Variants in CSMD1 observed in about 807,000 individuals in gnomAD.
CSMD1 encodes CUB and sushi domain-containing protein 1.
Under a neutral mutation model 417.5 loss-of-function variants are expected in CSMD1, and 213 were observed. The observed-to-expected ratio is 0.51, with a 90% confidence interval of 0.46 to 0.57. CSMD1 has a LOEUF of 0.57. Among genes scored for constraint, CSMD1 ranks in the 20% least tolerant of loss-of-function variants. The probability of loss-of-function intolerance (pLI) is 0.00; values close to 1 mark genes in which losing one functional copy is unlikely to be tolerated. For synonymous variants in CSMD1, 2,862 were observed against 1,736.8 expected, an observed-to-expected ratio of 1.65 and a Z score of -16.11; for missense variants, 6,923 against 4,529.7, an observed-to-expected ratio of 1.53 and a Z score of -15.17.
At chr8:4,625,120 G>C (rs1420940667) in intron 2 of CSMD1, among the ~76,000 whole-genome samples, 1 of 152,050 alleles carries the variant, frequency 6.6e-6, no homozygotes, top group African/African-American at 2.4e-5. Context: ...GATGACAAGA[G>C]AACTATGACA....
intron 5 of CSMD1, among the ~76,000 whole-genome samples, chr8:3,950,381 G>A (rs988714690): frequency 2.6e-5 from 4 of 152,164 alleles, no homozygotes; most frequent in African/African-American, 4.8e-5. Context: ...AAAACTCTCC[G>A]GTACAGTTCC....
chr8:3,957,585 G>A (rs1013160064), intron 5 of CSMD1, among the ~76,000 whole-genome samples: 1 of 152,134 alleles, frequency 6.6e-6, no homozygotes, highest in Non-Finnish European at 1.5e-5. Context: ...TCAGAAGGCT[G>A]AGGTGGACAG....
At chr8:4,339,010 C>A (rs1800329187) in intron 3 of CSMD1, among the ~76,000 whole-genome samples, 1 of 152,094 alleles carries the variant, frequency 6.6e-6, no homozygotes, top group Non-Finnish European at 1.5e-5. Context: ...AAAAGCAAGG[C>A]TTTTCTGTGA....
At chr8:3,796,022 T>C (rs1423554620) in intron 5 of CSMD1, among the ~76,000 whole-genome samples, 1 of 61,670 alleles carries the variant, frequency 1.6e-5, no homozygotes, top group Non-Finnish European at 3.6e-5. Context: ...ATATATATCA[T>C]GTATAGATAT....
At chr8:4,787,649 C>G (rs1797477314) in intron 1 of CSMD1, 6 of 1,586,434 alleles carry the variant, frequency 3.8e-6, no homozygotes, top group African/African-American at 2.7e-5. Flanking sequence ...CAAAAGAAAT[C>G]CTGGTGTCAA....
At position 4,994,577 on chromosome 8, in the gene CSMD1, C is replaced by T. The variant is rs976634739; in HGVS notation, c.-161G>A. The T allele has an allele frequency of 5.9e-5, 38 of 640,446 alleles. No individual in the cohort carries two copies. The highest frequency in any genetic ancestry group is 4.0e-4 in the Middle Eastern group (1 of 2,490). 39.7% of individuals were successfully genotyped at this position (640,446 alleles called of 1,614,324 possible). A position where few individuals can be genotyped will look rare whatever the true frequency, so the allele number is the denominator to read the frequency against. On this transcript the variant is annotated 5_prime_UTR_variant, in exon 1 of 70. Transcript: ENST00000635120. ...GACGCCTCCTGAAGGTCTGGGCGCC[C>T]GGCTCGCTTCCCTCTCATAGCATCG...
At chr8:4,781,050 C>G (rs1000813995) in intron 1 of CSMD1, among the ~76,000 whole-genome samples, 2 of 152,170 alleles carry the variant, frequency 1.3e-5, no homozygotes, top group Non-Finnish European at 2.9e-5. Context: ...GCTTCTGAAC[C>G]TCATTTTCCT....
At chr8:4,666,439 A>G (rs1437302488) in intron 1 of CSMD1, among the ~76,000 whole-genome samples, 23 of 152,144 alleles carry the variant, frequency 1.5e-4, no homozygotes, top group Admixed American at 1.4e-3. Flanking sequence ...ACAGCACAGG[A>G]GACAAGCAAT....
chr8:3,846,692 C>CA, intron 5 of CSMD1, among the ~76,000 whole-genome samples: 1 of 152,282 alleles, frequency 6.6e-6, no homozygotes, highest in South Asian at 2.1e-4. Flanking sequence ...GAGTTTCTCT[C>CA]TGTCGCCCAG....
intron 1 of CSMD1, among the ~76,000 whole-genome samples, chr8:4,942,405 CT>C (rs1310088263): frequency 6.6e-6 from 1 of 152,126 alleles, no homozygotes; most frequent in African/African-American, 2.4e-5. Flanking sequence ...TCATGTTGTA[CT>C]GGAGGAATTC....
rs148007292 is a variant in CSMD1 at position 4,757,476 on chromosome 8, G to C, written c.86-119918C>G. Among the ~76,000 whole-genome samples the C allele has an allele frequency of 6.6e-3, 1,000 of 152,206 alleles. 10 individuals are homozygous for C. The highest frequency in any genetic ancestry group is 0.023 in the African/African-American group (944 of 41,552). ...TAACTGACTTATTCAACATCAAACAGATAATGAGTACCGCAGCTAGGCACA... is the reference window on the plus strand; with the variant it reads ...TAACTGACTTATTCAACATCAAACACATAATGAGTACCGCAGCTAGGCACA... On this transcript the variant is annotated intron_variant, in intron 1 of 69. Transcript: ENST00000635120.
chr8:3,359,236 C>G lies in CSMD1; in HGVS notation c.3220G>C (p.Gly1074Arg). 1.9e-6 allele frequency: 3 copies of G among 1,613,808 alleles called. No homozygotes were observed. Among genetic ancestry groups the G allele is most frequent in the Non-Finnish European group, 2.5e-6 (3 of 1,179,840 alleles). Reference sequence around the variant, plus strand: ...TTGGTGGCACCTTCTAAACGATATCCCAGGAAGCAGGAAAACGTCAGAGAG... The same window carrying G: ...TTGGTGGCACCTTCTAAACGATATCGCAGGAAGCAGGAAAACGTCAGAGAG... ...GDSLTFSCFL[G>R]YRLEGATKLT... The change falls in exon 21 of 70, where the codon GGA (glycine) becomes CGA (arginine). Residue 1074 changes from glycine (G) to arginine (R), a missense_variant. Gly to Arg is a moderately radical substitution (Grantham distance 125). Transcript: ENST00000635120.
intron 19 of CSMD1, among the ~76,000 whole-genome samples, chr8:3,367,531 A>T (rs17065966): frequency 0.24 from 36,194 of 152,026 alleles, 4,393 homozygotes; most frequent in African/African-American, 0.3. Context: ...GGACTTAGAC[A>T]CATCAAGCCT....
intron 6 of CSMD1, among the ~76,000 whole-genome samples, chr8:3,725,234 G>T (rs1030586496): frequency 6.6e-5 from 10 of 152,126 alleles, no homozygotes; most frequent in Admixed American, 1.3e-4. Context: ...TGCTAGGAAG[G>T]CCCTCAAGGT....
chr8:3,658,103 T>A (rs1053507315), intron 7 of CSMD1, among the ~76,000 whole-genome samples: 2 of 152,228 alleles, frequency 1.3e-5, no homozygotes, highest in East Asian at 3.9e-4. Flanking sequence ...GCTAGCAACA[T>A]TATTATCATC....
At chr8:4,292,828 C>G (rs1797446488) in intron 3 of CSMD1, among the ~76,000 whole-genome samples, 1 of 152,112 alleles carries the variant, frequency 6.6e-6, no homozygotes, top group African/African-American at 2.4e-5. Context: ...ACCTAAGAGT[C>G]AGGGTCCCTA....
At chr8:4,692,280 G>C (rs975930575) in intron 1 of CSMD1, among the ~76,000 whole-genome samples, 6 of 152,070 alleles carry the variant, frequency 3.9e-5, no homozygotes, top group African/African-American at 4.8e-5. Flanking sequence ...CGTTTTCTTA[G>C]TTATGAGAAA....
At chr8:3,760,380 A>ATC (rs1797926018) in intron 5 of CSMD1, among the ~76,000 whole-genome samples, 1 of 151,902 alleles carries the variant, frequency 6.6e-6, no homozygotes, top group Non-Finnish European at 1.5e-5. Flanking sequence ...TAAATGGAGG[A>ATC]CTCATGGGAT....
At chr8:3,984,655 G>A (rs1814168439) in intron 5 of CSMD1, among the ~76,000 whole-genome samples, 1 of 142,750 alleles carries the variant, frequency 7.0e-6, no homozygotes, top group Non-Finnish European at 1.5e-5. Context: ...TGTTACTTGT[G>A]TTTTATGAAA....
Sources: allele counts gnomAD v4.1 joint callset (sites outside exome capture counted in the v4.1 genomes callset), GRCh38; gene constraint gnomAD v4.1.1; transcripts MANE v1.5; gene names NCBI Gene and HGNC (gene_info 2026-07-23, HGNC 2026-07-21).